The following BRCA1 variants were observed in gnomAD, a reference collection of about 807,000 sequenced individuals.
The protein encoded by BRCA1 is BRCA1 DNA repair associated, also known as breast cancer type 1 susceptibility protein.
Under a neutral mutation model 173.7 loss-of-function variants are expected in BRCA1, and 140 were observed. That is an observed-to-expected ratio of 0.81 (90% CI 0.70 to 0.93). The LOEUF is 0.93. Ranked by LOEUF, BRCA1 falls within the 40% of genes least tolerant of loss-of-function variation. BRCA1 has a pLI of 0.00. For synonymous variants in BRCA1, 662 were observed against 756.0 expected (o/e 0.88, Z 2.04); for missense variants, 1,983 against 2,172.5 (o/e 0.91, Z 1.73).
rs576361917 is a variant in BRCA1 at position 43,139,141 on chromosome 17, G to A, written c.-19-15026C>T. Among the ~76,000 whole-genome samples the A allele has an allele frequency of 2.0e-5, 3 of 151,148 alleles. No individual in the cohort carries two copies. In the East Asian group the frequency reaches 5.8e-4, roughly 29 times the overall value. ...TAACACAAAGCTCCTAAAACCCTTGGAAATTCCTGAAAGATGGGGGTGCTA... is the reference window on the plus strand; with the variant it reads ...TAACACAAAGCTCCTAAAACCCTTGAAAATTCCTGAAAGATGGGGGTGCTA... On this transcript the variant is annotated intron_variant, in intron 1 of 7. Transcript: ENST00000634433.
At chr17:43,125,436 A>AG (rs1403825048), upstream of BRCA1, 1 of 373,232 alleles carries the variant, frequency 2.7e-6, no homozygotes, top group East Asian at 7.4e-5. Flanking sequence ...ACGGAAACCA[A>AG]GGGGCTACCG....
At chr17:43,133,223 G>A (rs2055986134) in intron 1 of BRCA1, 1 of 151,912 alleles carries the variant, frequency 6.6e-6, no homozygotes, top group Non-Finnish European at 1.5e-5. Context: ...CATCTCCTAG[G>A]TTAGTCCCAG....
intron 3 of BRCA1, among the ~76,000 whole-genome samples, chr17:43,113,491 C>A (rs2055130817): frequency 6.6e-6 from 1 of 152,178 alleles, no homozygotes; most frequent in African/African-American, 2.4e-5. Context: ...CGCAGCCTAC[C>A]AAGTAGCTGG....
chr17:43,090,906 C>G, intron 11 of BRCA1, 38 bp downstream of exon 11: 1 of 1,551,902 alleles, frequency 6.4e-7, no homozygotes, highest in Non-Finnish European at 8.8e-7. Flanking sequence ...CAAAGGACAC[C>G]ACACACACGC....
In BRCA1 at chr17:43,044,645, G is replaced by C. The variant is rs1324608144; in HGVS notation, c.*1033C>G. ...TTTAAGAGGAATGGATTATATACCA[G>C]AGCTACAACAATAAACATTTTACTT... is the stretch of plus-strand genomic sequence containing the variant. On this transcript the variant is annotated 3_prime_UTR_variant, in exon 23 of 23. Transcript: ENST00000357654. The C allele has an allele frequency of 2.0e-6, 1 of 505,036 alleles. No homozygotes were observed. Among genetic ancestry groups the C allele is most frequent in the Non-Finnish European group, 3.9e-6 (1 of 257,970 alleles). 31.3% of individuals were successfully genotyped at this position (505,036 alleles called of 1,614,324 possible).
At chr17:43,051,034 G>A (rs2051189713) in intron 20 of BRCA1, 29 bp downstream of exon 20, 1 of 1,605,674 alleles carries the variant, frequency 6.2e-7, no homozygotes, top group Non-Finnish European at 8.5e-7. Flanking sequence ...GGCTGGTGCT[G>A]GAACTCTGGG....
At chr17:43,091,239 C>CA in intron 10 of BRCA1, 196 bp downstream of exon 10, 1 of 861,692 alleles carries the variant, frequency 1.2e-6, no homozygotes. Context: ...AAAGCTCATT[C>CA]AGTCAAAGAT....
At chr17:43,095,714 G>C in intron 9 of BRCA1, 132 bp downstream of exon 9, 1 of 767,588 alleles carries the variant, frequency 1.3e-6, no homozygotes, top group Non-Finnish European at 2.3e-6. Context: ...GACAGAGAAT[G>C]ATACTCTAAC....
chr17:43,055,434 G>A (rs1382605507), intron 19 of BRCA1, among the ~76,000 whole-genome samples: 1 of 152,046 alleles, frequency 6.6e-6, no homozygotes, highest in Non-Finnish European at 1.5e-5. Flanking sequence ...GATCACTGGA[G>A]GCCAGGAGAT....
chr17:43,127,932 G>A (rs2154581264), upstream of BRCA1, among the ~76,000 whole-genome samples: 1 of 149,804 alleles, frequency 6.7e-6, no homozygotes, highest in Middle Eastern at 3.4e-3. Context: ...GTTGAGGCAG[G>A]AGAATGGCGT....
chr17:43,159,073 A>G (rs1412613879), intron 1 of BRCA1, among the ~76,000 whole-genome samples: 8 of 150,084 alleles, frequency 5.3e-5, no homozygotes, highest in Non-Finnish European at 5.9e-5. Context: ...CTATATCTAC[A>G]AACACACACA....
rs1277568330 is a variant in BRCA1 at position 43,100,687 on chromosome 17, A to G, written c.442-807T>C. ...ATATATATATATATATAATATATAT[A>G]TATATATATATATATGTAATCCCAG... On this transcript the variant is annotated intron_variant, in intron 6 of 22. Coordinates refer to ENST00000357654, the MANE Select transcript of BRCA1 (RefSeq NM_007294.4). Among the ~76,000 whole-genome samples, 5 of 83,248 alleles carry G rather than the reference A, an allele frequency of 6.0e-5. 1 individual carries two copies. The highest frequency in any genetic ancestry group is 3.3e-4 in the African/African-American group (3 of 9,066). The allele number at this position is 83,248 out of a possible 152,430, so 54.6% of individuals were successfully genotyped here.
intron 1 of BRCA1, among the ~76,000 whole-genome samples, chr17:43,147,689 T>C (rs944811881): frequency 1.3e-5 from 2 of 152,202 alleles, no homozygotes; most frequent in East Asian, 3.8e-4. Context: ...AAGTACTGTT[T>C]GCTCAGTTCT....
chr17:43,089,822 C>T (rs1205795065), intron 11 of BRCA1, among the ~76,000 whole-genome samples: 2 of 151,572 alleles, frequency 1.3e-5, no homozygotes, highest in Non-Finnish European at 2.9e-5. Context: ...GCCTGGGCAA[C>T]ATAGTGAGAT....
chr17:43,102,300 A>G (rs1395198003), intron 6 of BRCA1, among the ~76,000 whole-genome samples: 1 of 147,716 alleles, frequency 6.8e-6, no homozygotes, highest in Admixed American at 6.8e-5. Flanking sequence ...CTTGATCTCC[A>G]CACCTCGTGA....
At chr17:43,100,353 TG>T (rs889827176) in intron 6 of BRCA1, among the ~76,000 whole-genome samples, 4 of 150,272 alleles carry the variant, frequency 2.7e-5, no homozygotes, top group Non-Finnish European at 5.9e-5. Context: ...TTTTTTGTTT[TG>T]GGGGGTGTAC....
At chr17:43,108,654 T>C (rs770271323) in intron 3 of BRCA1, among the ~76,000 whole-genome samples, 20 of 129,428 alleles carry the variant, frequency 1.5e-4, no homozygotes, top group Non-Finnish European at 2.6e-4. Context: ...TGCAATGAGC[T>C]GAGAAGAGTG....
intron 6 of BRCA1, among the ~76,000 whole-genome samples, chr17:43,100,670 ATATATATAATAT>A (rs2054406976): frequency 3.4e-5 from 1 of 29,118 alleles, no homozygotes; most frequent in Non-Finnish European, 4.7e-5. Context: ...ATATATATAT[ATATATATAATAT>A]ATATATATAT....
At position 43,071,103 on chromosome 17, in the gene BRCA1, T is replaced by C. The variant is rs80357439; in HGVS notation, c.4811A>G (p.Gln1604Arg). The change falls in exon 15 of 23, where the codon CAA (glutamine) becomes CGA (arginine). Residue 1604 changes from glutamine to arginine, a missense_variant. Coordinates refer to ENST00000357654, the MANE Select transcript of BRCA1 (RefSeq NM_007294.4). ...CTGGGCAGATTCTGCAACTTTCAAT[T>C]GGGGAACTTTCAATGCAGAGGTTGA... ...PSSTSALKVP[Q>R]LKVAESAQSP... 3 of 1,614,106 alleles carry C rather than the reference T, an allele frequency of 1.9e-6. No individual in the cohort carries two copies. The highest frequency in any genetic ancestry group is 1.1e-5 in the South Asian group (1 of 91,074).
Sources: allele counts gnomAD v4.1 joint callset (sites outside exome capture counted in the v4.1 genomes callset), GRCh38; gene constraint gnomAD v4.1.1; transcripts MANE v1.5; gene names NCBI Gene and HGNC (gene_info 2026-07-23, HGNC 2026-07-21).